Variants in ABHD2 observed in about 807,000 individuals in gnomAD.
ABHD2 encodes the protein monoacylglycerol lipase ABHD2.
In ABHD2, 20 loss-of-function variants were observed where a neutral mutation model predicts 48.1. That is an observed-to-expected ratio of 0.42 (90% confidence interval 0.29 to 0.60). ABHD2 has a LOEUF of 0.60. ABHD2 is among the 20% of genes least tolerant of loss of function. The pLI is 0.24. For missense variants in ABHD2, 405 were observed against 550.9 expected (o/e 0.74, Z 2.65); for synonymous variants, 209 against 214.2 (o/e 0.98, Z 0.21).
chr15:89,133,312 T>G (rs534660011), intron 3 of ABHD2, among the ~76,000 whole-genome samples: 18 of 152,360 alleles, frequency 1.2e-4, no homozygotes, highest in African/African-American at 4.3e-4. Flanking sequence ...GAGGTTTCCT[T>G]TATTTGTAAT....
At chr15:89,061,881 G>C in the ABHD2 span, among the ~76,000 whole-genome samples, 2 of 152,086 alleles carry the variant, frequency 1.3e-5, no homozygotes, top group Admixed American at 6.6e-5. Context: ...GCCCAAAAAA[G>C]ATAATTTCAA....
chr15:89,106,557 G>A lies in ABHD2; in HGVS notation c.-106-7168G>A, dbSNP rs2049789317. Among the ~76,000 whole-genome samples the A allele has an allele frequency of 6.6e-6, 1 of 152,158 alleles. No individual in the cohort carries two copies. Among genetic ancestry groups the A allele is most frequent in the African/African-American group, 2.4e-5 (1 of 41,426 alleles). On this transcript the variant is annotated intron_variant, in intron 1 of 10. Transcript: ENST00000352732. The surrounding 1 kb of genome is among the most constrained non-coding windows in gnomAD (Gnocchi z 4.2). Reference sequence around the variant, plus strand: ...TCCCATGGCAGTGAAAGACTCAGAGGACACAAAGGCACAACTCAGACGGGG... The same window carrying A: ...TCCCATGGCAGTGAAAGACTCAGAGAACACAAAGGCACAACTCAGACGGGG...
chr15:89,195,902 A>G lies in ABHD2; in HGVS notation c.*479A>G, dbSNP rs2150959111. 6.5e-6 allele frequency: 1 copy of G among 152,856 alleles called. No homozygotes were observed. The highest frequency in any genetic ancestry group is 2.1e-4 in the South Asian group (1 of 4,830). 9.5% of individuals were successfully genotyped at this position (152,856 alleles called of 1,614,324 possible). A position where few individuals can be genotyped will look rare whatever the true frequency, so the allele number is the denominator to read the frequency against. On this transcript the variant is annotated 3_prime_UTR_variant, in exon 11 of 11. Transcript: ENST00000352732. The surrounding 1 kb of genome is among the most constrained non-coding windows in gnomAD (Gnocchi z 5.1). ...CACAGCTCCGCTTGGGAGCCTGAGA[A>G]CCCAGGCTTCCCAGGCCAGAGTGTG...
At chr15:89,118,563 T>C (rs2049998660) in intron 3 of ABHD2, among the ~76,000 whole-genome samples, 1 of 152,224 alleles carries the variant, frequency 6.6e-6, no homozygotes, top group Non-Finnish European at 1.5e-5. Context: ...GTAGGACTGC[T>C]AGACCCAGTT....
chr15:89,082,674 C>T (rs1035839974), upstream of ABHD2: 3 of 152,242 alleles, frequency 2.0e-5, no homozygotes, highest in Admixed American at 1.3e-4. This position sits in a 1 kb window ranked among gnomAD's most constrained non-coding sequence, Gnocchi z 4.4. Flanking sequence ...TGAGTTATCT[C>T]GTCAATATTT....
intron 5 of ABHD2, among the ~76,000 whole-genome samples, chr15:89,157,759 C>T (rs1343112156): frequency 2.0e-5 from 3 of 151,858 alleles, no homozygotes; most frequent in South Asian, 2.1e-4. Flanking sequence ...AGGAGAATGG[C>T]GTGAACCTGG....
chr15:89,051,479 G>A, the ABHD2 span, among the ~76,000 whole-genome samples: 1 of 152,110 alleles, frequency 6.6e-6, no homozygotes, highest in African/African-American at 2.4e-5. Flanking sequence ...CTCAAGGGAG[G>A]GACAGAGAAC....
Position 89,164,989 on chromosome 15 carries a change from T to C in ABHD2, c.538+9455T>C, listed in dbSNP as rs895407284. Among the ~76,000 whole-genome samples the C allele has an allele frequency of 3.3e-5, 5 of 152,236 alleles. No individual in the cohort carries two copies. The highest frequency in any genetic ancestry group is 1.3e-4 in the Admixed American group (2 of 15,284). On this transcript the variant is annotated intron_variant, in intron 5 of 10. Coordinates refer to ENST00000352732, the MANE Select transcript of ABHD2 (RefSeq NM_152924.5). This position sits in a 1 kb window ranked among gnomAD's most constrained non-coding sequence, Gnocchi z 5.0. ...CATACAGTTGACCTCATGTGAACTT[T>C]GGAATTTCTGCAAGGACGAGTTTAA...
At chr15:89,052,058 G>T in the ABHD2 span, among the ~76,000 whole-genome samples, 1 of 152,124 alleles carries the variant, frequency 6.6e-6, no homozygotes, top group Non-Finnish European at 1.5e-5. Flanking sequence ...TTTTCCCATG[G>T]GAACAATACC....
intron 3 of ABHD2, chr15:89,135,726 C>A (rs144128793): frequency 1.6e-6 from 2 of 1,261,442 alleles, no homozygotes; most frequent in Non-Finnish European, 1.2e-6. Context: ...TTCAGCTTCG[C>A]AGCCTTCTTT....
chr15:89,201,854 G>A lies in ABHD2; in HGVS notation c.*6431G>A, dbSNP rs1397642601. On this transcript the variant is annotated 3_prime_UTR_variant, in exon 11 of 11. Coordinates refer to ENST00000352732, the MANE Select transcript of ABHD2 (RefSeq NM_152924.5). The stretch of plus-strand genomic sequence containing the variant: ...GGCTTGCTCGCTGGGGGCGGGGGAC[G>A]ATGGCGAGAGGGGAGGGGGAGCGAG... 25 of 882,068 alleles carry A rather than the reference G, an allele frequency of 2.8e-5. No individual in the cohort carries two copies. Among genetic ancestry groups the A allele is most frequent in the Non-Finnish European group, 4.0e-5 (22 of 549,896 alleles). The allele number at this position is 882,068 out of a possible 1,614,324, so 54.6% of individuals were successfully genotyped here. A position where few individuals can be genotyped will look rare whatever the true frequency, so the allele number is the denominator to read the frequency against.
intron 5 of ABHD2, among the ~76,000 whole-genome samples, chr15:89,172,642 A>G (rs2150923453): frequency 6.6e-6 from 1 of 152,352 alleles, no homozygotes; most frequent in African/African-American, 2.4e-5. Flanking sequence ...AGCCATTAAC[A>G]TTGAATGCTT....
rs2051466981 is a variant in ABHD2, at chr15:89,201,710, A to G, written c.*6287A>G. 3.1e-6 allele frequency: 5 copies of G among 1,607,652 alleles called. No individual in the cohort carries two copies. Among genetic ancestry groups the G allele is most frequent in the South Asian group, 1.1e-5 (1 of 90,958 alleles). On this transcript the variant is annotated 3_prime_UTR_variant, in exon 11 of 11. Transcript: ENST00000352732. Reference sequence around the variant, plus strand: ...GCAATTTAAGATTTGTAGTGACTACATCTGTGAAGGGGCCTTTGAATTTGA... The same window carrying G: ...GCAATTTAAGATTTGTAGTGACTACGTCTGTGAAGGGGCCTTTGAATTTGA...
rs1224710370 is a variant in ABHD2 at position 89,196,912 on chromosome 15, C to T, written c.*1489C>T. On this transcript the variant is annotated 3_prime_UTR_variant, in exon 11 of 11. Transcript: ENST00000352732. ...AAAACCCTGCACTTTGAACAATCAG[C>T]TGTTGCTATCTGGAACTAAACAGAA... 1.3e-5 allele frequency: 2 copies of T among 152,668 alleles called. No homozygotes were observed. The highest frequency in any genetic ancestry group is 4.8e-5 in the African/African-American group (2 of 41,460). 9.5% of individuals were successfully genotyped at this position (152,668 alleles called of 1,614,324 possible). A position where few individuals can be genotyped will look rare whatever the true frequency, so the allele number is the denominator to read the frequency against.
At chr15:89,193,946 C>G (rs928828630) in intron 10 of ABHD2, among the ~76,000 whole-genome samples, 1 of 147,352 alleles carries the variant, frequency 6.8e-6, no homozygotes, top group Non-Finnish European at 1.5e-5. Context: ...AAAGAATTAG[C>G]TGGGCATGGT....
At chr15:89,127,202 T>G (rs1316424446) in intron 3 of ABHD2, among the ~76,000 whole-genome samples, 2 of 152,100 alleles carry the variant, frequency 1.3e-5, no homozygotes, top group African/African-American at 4.8e-5. Flanking sequence ...TGTGGCAGCT[T>G]GTGAACCACC....
chr15:89,067,050 T>C, the ABHD2 span, among the ~76,000 whole-genome samples: 2 of 152,176 alleles, frequency 1.3e-5, no homozygotes, highest in African/African-American at 2.4e-5. Flanking sequence ...TGTGAATTGA[T>C]GGTGGGGCCC....
chr15:89,170,080 CTTTTTTTTTTTTTTTTTTTTTTTTT>C (rs748983183), intron 5 of ABHD2, among the ~76,000 whole-genome samples: 12 of 37,504 alleles, frequency 3.2e-4, no homozygotes, highest in African/African-American at 9.1e-4. Context: ...AGATCAGATT[CTTTTTTTTTTTTTTTTTTTTTTTTT>C]TTTTTTTTGG....
chr15:89,197,945 CTG>C lies in ABHD2; in HGVS notation c.*2525_*2526del, dbSNP rs1278635163. On this transcript the variant is annotated 3_prime_UTR_variant, in exon 11 of 11. Transcript: ENST00000352732. This position sits in a 1 kb window ranked among gnomAD's most constrained non-coding sequence, Gnocchi z 4.4. ...CTTAGGCATGGAAATGAGAATGTGACTGTGGCTGTCTTACAGGAAAATTCTTG... is the reference window on the plus strand; with the variant it reads ...CTTAGGCATGGAAATGAGAATGTGACTGGCTGTCTTACAGGAAAATTCTTG... The C allele has an allele frequency of 3.9e-5, 6 of 152,336 alleles. No individual in the cohort carries two copies. In the South Asian group the frequency reaches 6.2e-4, roughly 16 times the overall value. The allele number at this position is 152,336 out of a possible 1,614,324, so 9.4% of individuals were successfully genotyped here. A position where few individuals can be genotyped will look rare whatever the true frequency, so the allele number is the denominator to read the frequency against.
Sources: allele counts gnomAD v4.1 joint callset (sites outside exome capture counted in the v4.1 genomes callset), GRCh38; gene constraint gnomAD v4.1.1; non-coding constraint Gnocchi (gnomAD v3.1); transcripts MANE v1.5; gene names NCBI Gene and HGNC (gene_info 2026-07-23, HGNC 2026-07-21).